The following ADD3 variants were observed in gnomAD, a reference collection of about 807,000 sequenced individuals.
ADD3 encodes the protein gamma-adducin.
A neutral mutation model predicts 80.2 loss-of-function variants in ADD3; 25 were observed. That is an observed-to-expected ratio of 0.31 (90% CI 0.23 to 0.44). ADD3 has a LOEUF of 0.44. Among genes scored for constraint, ADD3 ranks in the 20% least tolerant of loss-of-function variants. ADD3 has a pLI of 1.00. For missense variants in ADD3, 829 were observed against 847.5 expected (o/e 0.98, Z 0.27); for synonymous variants, 284 against 289.6 (o/e 0.98, Z 0.20).
In ADD3 at chr10:110,130,502, C is replaced by T. The variant is rs1435967168; in HGVS notation, c.1732+16C>T. On this transcript the variant is annotated intron_variant, in intron 13 of 14. Transcript: ENST00000356080. ...GGCCTAGAAGGTTAGTTAATCTTTA[C>T]ATTCAACCTAGGGTAAGCCACACTG... is the stretch of plus-strand genomic sequence containing the variant. 2 of 1,612,100 alleles carry T rather than the reference C, an allele frequency of 1.2e-6. No homozygotes were observed. Among genetic ancestry groups the T allele is most frequent in the Admixed American group, 1.7e-5 (1 of 59,768 alleles).
upstream of ADD3, among the ~76,000 whole-genome samples, chr10:110,004,513 G>C (rs527628873): frequency 7.1e-4 from 108 of 152,002 alleles, no homozygotes; most frequent in Non-Finnish European, 1.4e-3. Flanking sequence ...GTTTCACCAT[G>C]TTGGCCAGGA....
chr10:110,005,961 C>G (rs1236946880), upstream of ADD3: 1 of 214,968 alleles, frequency 4.7e-6, no homozygotes, highest in African/African-American at 2.4e-5. Context: ...ACTTACTACT[C>G]AGCATTGAGA....
chr10:110,018,174 T>C (rs912431002), intron 1 of ADD3, among the ~76,000 whole-genome samples: 5 of 152,114 alleles, frequency 3.3e-5, no homozygotes, highest in Non-Finnish European at 2.9e-5. Context: ...CCAGTGTGTG[T>C]GATGAATGCC....
At chr10:110,120,522 C>T (rs753961935) in intron 8 of ADD3, among the ~76,000 whole-genome samples, 4 of 151,910 alleles carry the variant, frequency 2.6e-5, no homozygotes, top group South Asian at 2.1e-4. Context: ...TGAATAATGC[C>T]GCAATAAACA....
intron 1 of ADD3, among the ~76,000 whole-genome samples, chr10:110,069,639 G>A (rs1302967365): frequency 6.6e-6 from 1 of 151,782 alleles, no homozygotes; most frequent in Non-Finnish European, 1.5e-5. Context: ...GTAGTATAAT[G>A]TAGTGCCACC....
intron 1 of ADD3, among the ~76,000 whole-genome samples, chr10:110,064,555 C>T (rs181567240): frequency 4.6e-5 from 7 of 152,232 alleles, no homozygotes; most frequent in East Asian, 1.9e-4. Context: ...GTGCTGTTCA[C>T]GTCTTTTACT....
chr10:110,065,829 G>A (rs1204251882), intron 1 of ADD3, among the ~76,000 whole-genome samples: 4 of 150,912 alleles, frequency 2.7e-5, no homozygotes, highest in South Asian at 2.1e-4. Context: ...TGTGAGCCAC[G>A]GCGCCCGACC....
chr10:110,057,623 G>C (rs1448514537), intron 1 of ADD3, among the ~76,000 whole-genome samples: 1 of 152,098 alleles, frequency 6.6e-6, no homozygotes, highest in Non-Finnish European at 1.5e-5. Context: ...CTCTTCATCT[G>C]ATTCTAATTT....
At chr10:110,032,678 G>A (rs1855187281) in intron 1 of ADD3, among the ~76,000 whole-genome samples, 1 of 152,162 alleles carries the variant, frequency 6.6e-6, no homozygotes. Context: ...TACCCTAAGT[G>A]TGTAACCTTA....
intron 1 of ADD3, among the ~76,000 whole-genome samples, chr10:110,000,576 G>T (rs1851466186): frequency 6.6e-6 from 1 of 152,176 alleles, no homozygotes; most frequent in East Asian, 1.9e-4. Context: ...CAATATTTCT[G>T]TTATGTTTAT....
Position 110,072,781 on chromosome 10 carries a change from A to T in ADD3, c.-29-27844A>T, listed in dbSNP as rs933500323. Among the ~76,000 whole-genome samples, 9 of 152,354 alleles carry T rather than the reference A, an allele frequency of 5.9e-5. 1 individual carries two copies. The highest frequency in any genetic ancestry group is 4.6e-4 in the Admixed American group (7 of 15,308). ...TGTGAGAACAGTTAACTGGGAGAAC[A>T]AAAGCTCTGAGAGAGTAAGAGCTAC... is the stretch of plus-strand genomic sequence containing the variant. On this transcript the variant is annotated intron_variant, in intron 1 of 14. Transcript: ENST00000356080.
chr10:110,046,332 A>T (rs1856903929), intron 1 of ADD3, among the ~76,000 whole-genome samples: 1 of 152,142 alleles, frequency 6.6e-6, no homozygotes. Flanking sequence ...TATATATAAC[A>T]TACATAATCA....
intron 1 of ADD3, among the ~76,000 whole-genome samples, chr10:110,049,143 T>G (rs188032171): frequency 6.6e-6 from 1 of 152,270 alleles, no homozygotes; most frequent in African/African-American, 2.4e-5. Flanking sequence ...AGCTTCCACA[T>G]GGTTTTGAGC....
Position 110,133,421 on chromosome 10 carries a change from C to T in ADD3, c.1924C>T (p.Leu642Phe), listed in dbSNP as rs529505409. 5.6e-6 allele frequency: 9 copies of T among 1,613,638 alleles called. No homozygotes were observed. Among genetic ancestry groups the T allele is most frequent in the Non-Finnish European group, 6.8e-6 (8 of 1,179,678 alleles). ...TGATATGCATGATGTTGAAGATGAG[C>T]TTGCTAAGCGAGTGAGTAGGTTAAG... is the stretch of plus-strand genomic sequence containing the variant. The part of the protein sequence containing the change: ...KDDMHDVEDE[L>F]AKRVSRLSTS... Residue 642 changes from leucine to phenylalanine, a missense_variant, in exon 15 of 15, where the codon CTT becomes TTT. Coordinates refer to ENST00000356080, the MANE Select transcript of ADD3 (RefSeq NM_016824.5).
At chr10:110,021,551 AT>A (rs1853677987) in intron 1 of ADD3, among the ~76,000 whole-genome samples, 1 of 152,250 alleles carries the variant, frequency 6.6e-6, no homozygotes, top group Non-Finnish European at 1.5e-5. Flanking sequence ...TGAATTACTG[AT>A]GCATTTTATA....
chr10:110,096,750 C>T (rs1277250849), intron 1 of ADD3, among the ~76,000 whole-genome samples: 3 of 152,078 alleles, frequency 2.0e-5, no homozygotes, highest in Non-Finnish European at 2.9e-5. Flanking sequence ...ATCACAAGTC[C>T]AAACCAGATT....
intron 4 of ADD3, 58 bp downstream of exon 4, chr10:110,116,468 A>G: frequency 6.4e-7 from 1 of 1,563,018 alleles, no homozygotes; most frequent in Non-Finnish European, 8.8e-7. Context: ...AGGCAACTAT[A>G]CTCTTCTTAC....
intron 1 of ADD3, among the ~76,000 whole-genome samples, chr10:110,028,574 G>A (rs1025202629): frequency 2.6e-5 from 4 of 151,994 alleles, no homozygotes; most frequent in Non-Finnish European, 5.9e-5. Context: ...CAAAACAAAA[G>A]AAAAAATAAA....
intron 1 of ADD3, among the ~76,000 whole-genome samples, chr10:110,068,001 C>T (rs1844184091): frequency 6.6e-6 from 1 of 152,048 alleles, no homozygotes; most frequent in Non-Finnish European, 1.5e-5. Context: ...TTCCTTCCCC[C>T]ATTTACAGGA....
Sources: allele counts gnomAD v4.1 joint callset (sites outside exome capture counted in the v4.1 genomes callset), GRCh38; gene constraint gnomAD v4.1.1; transcripts MANE v1.5; gene names NCBI Gene and HGNC (gene_info 2026-07-23, HGNC 2026-07-21).